The following ASIC2 variants were observed in gnomAD, a reference collection of about 807,000 sequenced individuals.
The protein encoded by ASIC2 is acid-sensing ion channel 2.
ASIC2 carries 25 observed loss-of-function variants against 57.3 expected under a neutral mutation model. That is an observed-to-expected ratio of 0.44 (90% CI 0.32 to 0.61). ASIC2 has a LOEUF of 0.61. Among genes scored for constraint, ASIC2 ranks in the 20% least tolerant of loss-of-function variants. The probability of loss-of-function intolerance (pLI) is 0.06; values close to 1 mark genes in which losing one functional copy is unlikely to be tolerated. For synonymous variants in ASIC2, 319 were observed against 307.5 expected (o/e 1.04, Z -0.39); for missense variants, 641 against 738.1 (o/e 0.87, Z 1.52).
At chr17:33,578,902 G>T (rs933441813) in intron 1 of ASIC2, among the ~76,000 whole-genome samples, 3 of 152,188 alleles carry the variant, frequency 2.0e-5, no homozygotes, top group Non-Finnish European at 4.4e-5. Flanking sequence ...GCCACAGCAG[G>T]CAAGAAAAGA....
At chr17:33,149,567 A>T (rs931883868) in intron 1 of ASIC2, among the ~76,000 whole-genome samples, 2 of 152,366 alleles carry the variant, frequency 1.3e-5, no homozygotes, top group African/African-American at 4.8e-5. Context: ...CTTAATAAAC[A>T]TTCAGGTGAC....
intron 1 of ASIC2, among the ~76,000 whole-genome samples, chr17:33,412,067 A>C (rs906130340): frequency 1.3e-5 from 2 of 152,284 alleles, no homozygotes; most frequent in East Asian, 1.9e-4. Context: ...CACACAAAAA[A>C]CAAAAACCTT....
intron 1 of ASIC2, among the ~76,000 whole-genome samples, chr17:33,713,916 A>G (rs1909131861): frequency 6.6e-6 from 1 of 152,108 alleles, no homozygotes; most frequent in Non-Finnish European, 1.5e-5. Context: ...TGTCTTTTTG[A>G]TCTTAAAGTC....
Position 33,757,003 on chromosome 17 carries a change from C to G in ASIC2, c.555+398975G>C, listed in dbSNP as rs150586435. 3.3e-5 allele frequency among the ~76,000 whole-genome samples: 5 copies of G among 152,324 alleles called. No individual in the cohort carries two copies. In the East Asian group the frequency reaches 9.6e-4, roughly 29 times the overall value. On this transcript the variant is annotated intron_variant, in intron 1 of 9. Coordinates refer to the ASIC2 transcript ENST00000359872. ...TCCTTGCCTCTTCCAGCTTTGGTGG[C>G]TGCCAGCATTCCTTGGCTTCTGGCC...
chr17:34,022,973 C>G (rs1485647066), intron 1 of ASIC2, among the ~76,000 whole-genome samples: 1 of 152,092 alleles, frequency 6.6e-6, no homozygotes, highest in Non-Finnish European at 1.5e-5. Flanking sequence ...TGGCACCTCC[C>G]CTTTCTCTCT....
intron 1 of ASIC2, among the ~76,000 whole-genome samples, chr17:33,845,224 T>A (rs1913547386): frequency 6.6e-6 from 1 of 152,234 alleles, no homozygotes; most frequent in Non-Finnish European, 1.5e-5. Context: ...TGATATCCAG[T>A]TATATTGATT....
intron 1 of ASIC2, among the ~76,000 whole-genome samples, chr17:33,209,134 T>G (rs1242296039): frequency 1.3e-5 from 2 of 152,202 alleles, no homozygotes; most frequent in East Asian, 3.8e-4. Context: ...AGGAAGCCCA[T>G]GCTGTTAACT....
intron 2 of ASIC2, among the ~76,000 whole-genome samples, chr17:33,104,774 T>G (rs2092228733): frequency 6.6e-6 from 1 of 152,188 alleles, no homozygotes; most frequent in African/African-American, 2.4e-5. Flanking sequence ...TTGTGAACAT[T>G]AAAGGAATTT....
At chr17:33,098,241 T>C (rs1288311739) in intron 2 of ASIC2, among the ~76,000 whole-genome samples, 2 of 152,216 alleles carry the variant, frequency 1.3e-5, no homozygotes, top group Non-Finnish European at 2.9e-5. Flanking sequence ...TGGCTGTTCA[T>C]AGCTCACATC....
chr17:33,307,797 C>T (rs1017421751), intron 1 of ASIC2, among the ~76,000 whole-genome samples: 1 of 150,822 alleles, frequency 6.6e-6, no homozygotes, highest in Non-Finnish European at 1.5e-5. Context: ...TAATACCTGC[C>T]TTGCAGGGTC....
At chr17:34,149,213 C>A (rs1904422264) in intron 1 of ASIC2, among the ~76,000 whole-genome samples, 1 of 150,964 alleles carries the variant, frequency 6.6e-6, no homozygotes, top group Non-Finnish European at 1.5e-5. Context: ...TTTAAGCTAA[C>A]CTCCCACTTC....
intron 1 of ASIC2, among the ~76,000 whole-genome samples, chr17:33,188,782 C>A (rs373092511): frequency 1.4e-4 from 21 of 151,766 alleles, no homozygotes; most frequent in Admixed American, 5.9e-4. Context: ...CACCAGAAAA[C>A]AATTACCACA....
intron 1 of ASIC2, among the ~76,000 whole-genome samples, chr17:33,348,756 C>G (rs1457664159): frequency 6.6e-6 from 1 of 151,990 alleles, no homozygotes; most frequent in Non-Finnish European, 1.5e-5. Context: ...AAGATGGGTT[C>G]AAGCTGGTCT....
intron 1 of ASIC2, among the ~76,000 whole-genome samples, chr17:33,647,784 C>G (rs527307244): frequency 6.6e-6 from 1 of 152,270 alleles, no homozygotes; most frequent in East Asian, 1.9e-4. Flanking sequence ...TGAAAATGCC[C>G]AATTAGAGCA....
intron 3 of ASIC2, among the ~76,000 whole-genome samples, chr17:33,058,753 A>T (rs187173491): frequency 6.6e-6 from 1 of 152,136 alleles, no homozygotes; most frequent in African/African-American, 2.4e-5. Context: ...CCCCTGATGC[A>T]GTCATCTCAC....
intron 1 of ASIC2, among the ~76,000 whole-genome samples, chr17:33,476,998 G>C (rs746500515): frequency 1.3e-5 from 2 of 152,110 alleles, no homozygotes; most frequent in Non-Finnish European, 2.9e-5. Flanking sequence ...TAATCTCAGT[G>C]TGTGTATACT....
chr17:33,671,141 CAG>C (rs150985658), intron 1 of ASIC2, among the ~76,000 whole-genome samples: 1,769 of 152,280 alleles, frequency 0.012, 47 homozygotes, highest in African/African-American at 0.04. Context: ...GATAGAAACT[CAG>C]AGACTTACTC....
chr17:33,854,000 G>A (rs765009717), intron 1 of ASIC2, among the ~76,000 whole-genome samples: 8 of 152,142 alleles, frequency 5.3e-5, no homozygotes, highest in Non-Finnish European at 8.8e-5. Context: ...TTTGCCCATC[G>A]AAGTTAAAAG....
intron 1 of ASIC2, among the ~76,000 whole-genome samples, chr17:34,014,398 C>A (rs546887302): frequency 6.6e-6 from 1 of 152,306 alleles, no homozygotes; most frequent in East Asian, 1.9e-4. Context: ...AGTTTCTGGG[C>A]TTTGCATTCA....
Sources: gnomAD v4.1 joint callset for allele counts (sites outside exome capture counted in the v4.1 genomes callset) on GRCh38, gnomAD v4.1.1 for gene constraint, MANE v1.5 for transcripts, NCBI Gene and HGNC (gene_info 2026-07-23, HGNC 2026-07-21) for gene names.